The following ZNF800 variants were observed in gnomAD, a reference collection of about 807,000 sequenced individuals.
ZNF800 encodes zinc finger protein 800.
In ZNF800, 13 loss-of-function variants were observed where a neutral mutation model predicts 59.5. The ratio of observed to expected loss-of-function variants is 0.22; its 90% confidence interval spans 0.14 to 0.35. ZNF800 has a LOEUF of 0.35. Ranked by LOEUF, ZNF800 falls within the 10% of genes least tolerant of loss-of-function variation. The pLI, the probability that ZNF800 is intolerant of heterozygous loss-of-function variation, is 1.00. For missense variants in ZNF800, 621 were observed against 783.7 expected (o/e 0.79, Z 2.48); for synonymous variants, 266 against 265.7 (o/e 1.00, Z -0.01).
intron 2 of ZNF800, 77 bp downstream of exon 2, chr7:127,391,419 GA>G: frequency 5.0e-6 from 7 of 1,406,754 alleles, no homozygotes; most frequent in Admixed American, 1.7e-5. Flanking sequence ...GGGGCAGGAG[GA>G]AAAAAAGCTA....
intron 1 of ZNF800, among the ~76,000 whole-genome samples, chr7:127,348,556 A>G (rs867655576): frequency 6.6e-5 from 10 of 152,384 alleles, no homozygotes; most frequent in South Asian, 4.1e-4. Context: ...AATGATATGG[A>G]AAAGAATTGA....
intron 1 of ZNF800, among the ~76,000 whole-genome samples, chr7:127,352,412 A>C (rs905538306): frequency 6.6e-6 from 1 of 152,228 alleles, no homozygotes; most frequent in Admixed American, 6.5e-5. Flanking sequence ...GAAGAAAGCA[A>C]AAGCTGGCCA....
intron 3 of ZNF800, among the ~76,000 whole-genome samples, chr7:127,378,975 AG>A (rs1168351693): frequency 1.3e-5 from 2 of 152,144 alleles, no homozygotes; most frequent in African/African-American, 4.8e-5. Flanking sequence ...CCTAAATCCC[AG>A]GGAAATTATA....
Position 127,373,539 on chromosome 7 carries a change from C to T in ZNF800, c.1797G>A (p.Lys599=), listed in dbSNP as rs1480691438. 1.9e-6 allele frequency: 3 copies of T among 1,614,132 alleles called. No individual in the cohort carries two copies. Among genetic ancestry groups the T allele is most frequent in the Non-Finnish European group, 2.5e-6 (3 of 1,180,012 alleles). ...HDGTSNSPSK[K]YEVADVGIEV... ...CAATACCGACGTCAGCTACTTCATA[C>T]TTTTTACTAGGAGAGTTAGAAGTGC... The change falls in exon 5 of 6, where the codon AAG becomes AAA. Residue 599 remains lysine, a synonymous_variant. Transcript: ENST00000265827.
chr7:127,360,850 G>A (rs932023222), intron 1 of ZNF800: 1 of 152,092 alleles, frequency 6.6e-6, no homozygotes, highest in African/African-American at 2.4e-5. Flanking sequence ...TAGGAATAAA[G>A]ACATAAGTTA....
At chr7:127,364,979 G>T (rs2117063657) in intron 1 of ZNF800, among the ~76,000 whole-genome samples, 1 of 152,194 alleles carries the variant, frequency 6.6e-6, no homozygotes, top group Non-Finnish European at 1.5e-5. Flanking sequence ...ATGAGAGAAA[G>T]CACAATCAAT....
chr7:127,390,350 A>G (rs752439707), intron 2 of ZNF800, among the ~76,000 whole-genome samples: 2 of 152,212 alleles, frequency 1.3e-5, no homozygotes, highest in African/African-American at 4.8e-5. Context: ...ACAGGTCAAG[A>G]GCAGTTCAAT....
chr7:127,383,405 C>G (rs1187106381), intron 3 of ZNF800, among the ~76,000 whole-genome samples: 2 of 152,132 alleles, frequency 1.3e-5, no homozygotes, highest in African/African-American at 4.8e-5. Flanking sequence ...GTTCTATCTT[C>G]AAATATCTGT....
intron 1 of ZNF800, among the ~76,000 whole-genome samples, chr7:127,357,429 A>C (rs1016904537): frequency 6.6e-6 from 1 of 152,066 alleles, no homozygotes; most frequent in Non-Finnish European, 1.5e-5. Flanking sequence ...ATACTAAATT[A>C]CTTAAGTTTC....
chr7:127,389,513 G>A (rs1418901784), intron 2 of ZNF800, among the ~76,000 whole-genome samples: 1 of 152,082 alleles, frequency 6.6e-6, no homozygotes, highest in Non-Finnish European at 1.5e-5. Flanking sequence ...CCCTCCATCT[G>A]TGGACATGAT....
intron 1 of ZNF800, chr7:127,364,206 TAA>T (rs1800454956): frequency 6.6e-6 from 1 of 152,088 alleles, no homozygotes; most frequent in African/African-American, 2.4e-5. Context: ...AAGCATGATG[TAA>T]AGAGAGAAGC....
intron 2 of ZNF800, among the ~76,000 whole-genome samples, chr7:127,387,492 G>A (rs13223068): frequency 0.12 from 17,930 of 152,206 alleles, 1,191 homozygotes; most frequent in Middle Eastern, 0.26. Context: ...TTCAAGTCTA[G>A]TGCTCAGTGT....
intron 1 of ZNF800, chr7:127,360,353 A>G (rs890921918): frequency 6.6e-6 from 1 of 152,174 alleles, no homozygotes; most frequent in Non-Finnish European, 1.5e-5. Context: ...ACCAAAGTAC[A>G]GAACTCCTTT....
downstream of ZNF800, among the ~76,000 whole-genome samples, chr7:127,343,815 AATCCAGT>A (rs568798989): frequency 7.2e-4 from 109 of 152,222 alleles, no homozygotes; most frequent in African/African-American, 2.5e-3. Flanking sequence ...ATGCAGAAAT[AATCCAGT>A]ATTGAGAAAC....
intron 1 of ZNF800, among the ~76,000 whole-genome samples, chr7:127,356,767 ATG>A (rs200230284): frequency 2.3e-4 from 34 of 146,984 alleles, no homozygotes; most frequent in African/African-American, 4.9e-4. Context: ...AAACTTAAAA[ATG>A]TGTGTGTGTG....
chr7:127,363,892 A>C (rs990537175), intron 1 of ZNF800: 6 of 152,114 alleles, frequency 3.9e-5, no homozygotes, highest in African/African-American at 9.7e-5. Flanking sequence ...TTTTTGGCCA[A>C]AAGTGTACAA....
intron 1 of ZNF800, 26 bp downstream of exon 1, chr7:127,392,034 C>T: frequency 2.6e-6 from 1 of 388,282 alleles, no homozygotes; most frequent in Non-Finnish European, 4.6e-6. Flanking sequence ...AGACCCCGTC[C>T]CCACAACCAA....
intron 3 of ZNF800, among the ~76,000 whole-genome samples, chr7:127,381,667 G>A (rs1258963370): frequency 6.6e-6 from 1 of 151,478 alleles, no homozygotes; most frequent in East Asian, 1.9e-4. Flanking sequence ...TGTTGTCTTG[G>A]GAACGTAACA....
chr7:127,357,462 T>C (rs962722288), intron 1 of ZNF800, among the ~76,000 whole-genome samples: 3 of 152,200 alleles, frequency 2.0e-5, no homozygotes, highest in South Asian at 4.1e-4. Context: ...TGTCAAATTC[T>C]ATCAGGATCT....
Sources: allele counts gnomAD v4.1 joint callset (sites outside exome capture counted in the v4.1 genomes callset), GRCh38; gene constraint gnomAD v4.1.1; transcripts MANE v1.5; gene names NCBI Gene and HGNC (gene_info 2026-07-23, HGNC 2026-07-21).